PRR16: variants seen among roughly 807,000 people sequenced by gnomAD.
PRR16 encodes proline rich 16, also known as protein Largen.
PRR16 carries 6 observed loss-of-function variants against 18.2 expected under a neutral mutation model. The observed-to-expected ratio is 0.33, with a 90% CI of 0.18 to 0.65. The LOEUF (loss-of-function observed/expected upper bound fraction) is 0.65, where lower values mean the gene tolerates loss of function less well. PRR16 is among the 30% of genes least tolerant of loss of function. The pLI is 0.74. For synonymous variants in PRR16, 151 were observed against 147.8 expected (o/e 1.02, Z -0.16); for missense variants, 412 against 376.6 (o/e 1.09, Z -0.78).
downstream of PRR16, among the ~76,000 whole-genome samples, chr5:120,691,449 T>C (rs568078254): frequency 2.0e-5 from 3 of 152,288 alleles, no homozygotes; most frequent in South Asian, 6.2e-4. Context: ...ACCAGTGGCT[T>C]CACCTTTTAG....
chr5:120,668,754 C>G (rs1208936479), intron 1 of PRR16, among the ~76,000 whole-genome samples: 1 of 152,076 alleles, frequency 6.6e-6, no homozygotes, highest in Non-Finnish European at 1.5e-5. Flanking sequence ...GTTGAAAATT[C>G]TTTTCTTTAA....
chr5:120,549,161 A>C (rs1035519175), intron 1 of PRR16, among the ~76,000 whole-genome samples: 7 of 151,960 alleles, frequency 4.6e-5, no homozygotes, highest in African/African-American at 1.7e-4. Flanking sequence ...GATGGGGTGA[A>C]TACTGCTCCC....
chr5:120,683,614 G>T (rs1036828458), intron 1 of PRR16, among the ~76,000 whole-genome samples: 2 of 151,152 alleles, frequency 1.3e-5, no homozygotes, highest in African/African-American at 4.9e-5. Flanking sequence ...ACTATTATTT[G>T]TGCTCCTGAG....
At chr5:120,666,066 G>A (rs964792199) in intron 1 of PRR16, among the ~76,000 whole-genome samples, 15 of 151,826 alleles carry the variant, frequency 9.9e-5, no homozygotes, top group Non-Finnish European at 1.5e-4. Context: ...CCATTTTCAC[G>A]ATATTGATTC....
At chr5:120,498,021 A>C (rs977905634) in intron 1 of PRR16, among the ~76,000 whole-genome samples, 1 of 151,330 alleles carries the variant, frequency 6.6e-6, no homozygotes, top group Non-Finnish European at 1.5e-5. Flanking sequence ...ATTCACATTT[A>C]ATATAATTAT....
chr5:120,543,847 T>C (rs1751992270), intron 1 of PRR16, among the ~76,000 whole-genome samples: 1 of 152,210 alleles, frequency 6.6e-6, no homozygotes. Flanking sequence ...CTCTGTGATC[T>C]CTGGTATTTT....
intron 1 of PRR16, among the ~76,000 whole-genome samples, chr5:120,582,626 C>CCA (rs1753311022): frequency 6.6e-6 from 1 of 152,050 alleles, no homozygotes; most frequent in Non-Finnish European, 1.5e-5. Flanking sequence ...ACTTTAAAAA[C>CCA]AATCTGGAGG....
chr5:120,717,524 A>G, the PRR16 span, among the ~76,000 whole-genome samples: 1 of 6,830 alleles, frequency 1.5e-4, no homozygotes, highest in Non-Finnish European at 0.022. Flanking sequence ...ACACCCGTGT[A>G]TCTTCAATTT....
intron 1 of PRR16, among the ~76,000 whole-genome samples, chr5:120,476,949 C>T (rs1393494476): frequency 6.6e-6 from 1 of 152,142 alleles, no homozygotes; most frequent in South Asian, 2.1e-4. Flanking sequence ...TTGTCAGTGA[C>T]TCCATGTTAT....
the PRR16 span, among the ~76,000 whole-genome samples, chr5:120,712,125 G>A: frequency 2.0e-5 from 3 of 152,078 alleles, no homozygotes; most frequent in South Asian, 6.2e-4. Context: ...ACAACATGAT[G>A]TTTTGGTATA....
chr5:120,601,143 T>C (rs1480527395), intron 1 of PRR16, among the ~76,000 whole-genome samples: 1 of 152,018 alleles, frequency 6.6e-6, no homozygotes, highest in East Asian at 1.9e-4. Flanking sequence ...CTTTGAGAAA[T>C]CTCCAAACTG....
chr5:120,518,830 C>A (rs1751080583), intron 1 of PRR16, among the ~76,000 whole-genome samples: 2 of 152,086 alleles, frequency 1.3e-5, no homozygotes, highest in South Asian at 4.1e-4. Context: ...TTTTCCCCTT[C>A]TTGCTGGCTA....
At chr5:120,769,854 T>A in the PRR16 span, among the ~76,000 whole-genome samples, 1 of 151,950 alleles carries the variant, frequency 6.6e-6, no homozygotes, top group South Asian at 2.1e-4. Context: ...AATTTTGTCA[T>A]ATCCTCACTG....
At chr5:120,694,455 C>T in the PRR16 span, among the ~76,000 whole-genome samples, 2 of 152,026 alleles carry the variant, frequency 1.3e-5, no homozygotes, top group African/African-American at 2.4e-5. Flanking sequence ...GAGACCGAGG[C>T]GGGCGGATCA....
intron 1 of PRR16, among the ~76,000 whole-genome samples, chr5:120,503,072 T>A (rs2112845801): frequency 6.6e-6 from 1 of 152,270 alleles, no homozygotes; most frequent in South Asian, 2.1e-4. Flanking sequence ...TTGTTACAAT[T>A]TTAGTTAATC....
chr5:120,680,795 A>G (rs971616841), intron 1 of PRR16, among the ~76,000 whole-genome samples: 2 of 152,184 alleles, frequency 1.3e-5, no homozygotes, highest in Non-Finnish European at 2.9e-5. Flanking sequence ...TACTAGTAAG[A>G]CTGAGTGTGT....
At chr5:120,603,535 G>A (rs1241007353) in intron 1 of PRR16, among the ~76,000 whole-genome samples, 3 of 151,752 alleles carry the variant, frequency 2.0e-5, no homozygotes, top group Non-Finnish European at 2.9e-5. Context: ...TCTGTTATGT[G>A]GATATTCTTG....
At chr5:120,487,212 C>A (rs1358283164) in intron 1 of PRR16, among the ~76,000 whole-genome samples, 2 of 152,168 alleles carry the variant, frequency 1.3e-5, no homozygotes, top group Non-Finnish European at 2.9e-5. Flanking sequence ...ATAGGGATGG[C>A]ATTGAATCTA....
At chr5:120,633,456 T>C (rs2112843394) in intron 1 of PRR16, among the ~76,000 whole-genome samples, 1 of 152,174 alleles carries the variant, frequency 6.6e-6, no homozygotes, top group East Asian at 1.9e-4. Context: ...GCCAACCAAG[T>C]TTCTGCTGTC....
Sources: allele counts gnomAD v4.1 joint callset (sites outside exome capture counted in the v4.1 genomes callset), GRCh38; gene constraint gnomAD v4.1.1; transcripts MANE v1.5; gene names NCBI Gene and HGNC (gene_info 2026-07-23, HGNC 2026-07-21).